The following TNFSF10 variants were observed in gnomAD, a reference collection of about 807,000 sequenced individuals.
The protein encoded by TNFSF10 is tumor necrosis factor ligand superfamily member 10.
A neutral mutation model predicts 29.5 loss-of-function variants in TNFSF10; 13 were observed. The ratio of observed to expected loss-of-function variants is 0.44; its 90% CI spans 0.29 to 0.70. The LOEUF (loss-of-function observed/expected upper bound fraction) is 0.70, where lower values mean the gene tolerates loss of function less well. Among genes scored for constraint, TNFSF10 ranks in the 30% least tolerant of loss-of-function variants. The pLI, the probability that TNFSF10 is intolerant of heterozygous loss-of-function variation, is 0.13. For missense variants in TNFSF10, 345 were observed against 330.9 expected, an observed-to-expected ratio of 1.04 and a Z score of -0.33; for synonymous variants, 111 against 112.8, an observed-to-expected ratio of 0.98 and a Z score of 0.10.
intron 4 of TNFSF10, among the ~76,000 whole-genome samples, chr3:172,507,834 C>A (rs3819772): frequency 0.5 from 75,518 of 151,992 alleles, 19,693 homozygotes; most frequent in African/African-American, 0.66. Flanking sequence ...TATTTTTAGA[C>A]AAATTTACGG....
chr3:172,515,981 G>A (rs1228131472), intron 1 of TNFSF10, among the ~76,000 whole-genome samples: 1 of 152,144 alleles, frequency 6.6e-6, no homozygotes, highest in Non-Finnish European at 1.5e-5. Context: ...CTGCTGAATT[G>A]GCCAGGCGCG....
In TNFSF10 at chr3:172,509,330, G is replaced by A; in HGVS notation, c.314-9C>T. 1 of 1,610,856 alleles carries A rather than the reference G, an allele frequency of 6.2e-7. No homozygotes were observed. The highest frequency in any genetic ancestry group is 1.1e-5 in the South Asian group (1 of 90,810). On this transcript the variant is annotated splice_polypyrimidine_tract_variant and intron_variant, in intron 3 of 4. Coordinates refer to ENST00000241261, the MANE Select transcript of TNFSF10 (RefSeq NM_003810.4). The stretch of plus-strand genomic sequence containing the variant: ...AATATTTTGTTGCTTTTCTAAAAGA[G>A]AAATGATAAAGGGTCATCAACACTT...
At chr3:172,517,482 G>T in intron 1 of TNFSF10, 3 of 875,226 alleles carry the variant, frequency 3.4e-6, no homozygotes, top group Non-Finnish European at 3.9e-6. Flanking sequence ...AAGCAGGGAA[G>T]CATGGAAAAG....
chr3:172,516,019 C>T (rs761071991), intron 1 of TNFSF10, among the ~76,000 whole-genome samples: 2 of 152,010 alleles, frequency 1.3e-5, no homozygotes, highest in South Asian at 2.1e-4. Flanking sequence ...TCCCAGCACT[C>T]TGGGAGGCCG....
chr3:172,515,527 T>C (rs1236134832), intron 1 of TNFSF10, among the ~76,000 whole-genome samples: 6 of 152,202 alleles, frequency 3.9e-5, no homozygotes, highest in Admixed American at 3.9e-4. Context: ...TAGATTCTAG[T>C]TACTGATCTG....
At chr3:172,508,598 A>C (rs1228254350) in intron 4 of TNFSF10, among the ~76,000 whole-genome samples, 1 of 152,020 alleles carries the variant, frequency 6.6e-6, no homozygotes, top group Non-Finnish European at 1.5e-5. Context: ...AAGTAATCAT[A>C]AGAGAGAAAG....
chr3:172,509,137 A>G, intron 4 of TNFSF10, 80 bp downstream of exon 4: 1 of 1,202,950 alleles, frequency 8.3e-7, no homozygotes. Context: ...CATTTCAGAT[A>G]AAATTCTTTA....
Position 172,514,816 on chromosome 3 carries a change from G to A in TNFSF10, c.270+45C>T, listed in dbSNP as rs1341666030. 4.4e-6 allele frequency: 7 copies of A among 1,606,626 alleles called. No individual in the cohort carries two copies. The African/African-American group carries it at 6.7e-5, about 15-fold the overall frequency. On this transcript the variant is annotated intron_variant, in intron 2 of 4. Transcript: ENST00000241261. ...TTCCTTTGCTTTAAGGAATTCTTCT[G>A]GCCTTCTCCGCCTGCTGGTGAGGTC...
intron 1 of TNFSF10, among the ~76,000 whole-genome samples, chr3:172,522,042 G>A (rs1044035692): frequency 2.0e-5 from 3 of 147,022 alleles, no homozygotes; most frequent in Non-Finnish European, 3.0e-5. Context: ...GGGGCCTGTC[G>A]GGGGTGGGAG....
At chr3:172,509,976 CAAAAAAAA>C (rs11290814) in intron 3 of TNFSF10, among the ~76,000 whole-genome samples, 1 of 101,914 alleles carries the variant, frequency 9.8e-6, no homozygotes, top group Non-Finnish European at 2.1e-5. Context: ...AAGACTCCGT[CAAAAAAAA>C]AAAAAAAAAA....
At chr3:172,513,236 A>G (rs957931842) in intron 2 of TNFSF10, among the ~76,000 whole-genome samples, 2 of 152,128 alleles carry the variant, frequency 1.3e-5, no homozygotes, top group Non-Finnish European at 2.9e-5. Context: ...CCCTCTCCTC[A>G]GTCTCCAGAT....
Position 172,506,317 on chromosome 3 carries a change from T to G in TNFSF10, c.*175A>C. ...GATAAGTGAGTCACTTTCAGAACAG[T>G]GTGTGTTGTAGAATTTTTTGGTTGT... On this transcript the variant is annotated 3_prime_UTR_variant, in exon 5 of 5. Coordinates refer to ENST00000241261, the MANE Select transcript of TNFSF10 (RefSeq NM_003810.4). 1 of 642,094 alleles carries G rather than the reference T, an allele frequency of 1.6e-6. No individual in the cohort carries two copies. The highest frequency in any genetic ancestry group is 2.6e-6 in the Non-Finnish European group (1 of 384,714). The allele number at this position is 642,094 out of a possible 1,614,324, so 39.8% of individuals were successfully genotyped here.
At chr3:172,522,235 G>C in intron 1 of TNFSF10, 1 of 533,540 alleles carries the variant, frequency 1.9e-6, no homozygotes, top group Admixed American at 3.1e-5. Flanking sequence ...AAAGAAATCT[G>C]TTTGCCAGAA....
At chr3:172,514,643 C>T (rs566206317) in intron 2 of TNFSF10, among the ~76,000 whole-genome samples, 103 of 152,290 alleles carry the variant, frequency 6.8e-4, no homozygotes, top group Admixed American at 6.6e-3. Context: ...GAGGAATGAA[C>T]TCTAGACCAG....
At chr3:172,512,323 A>G (rs2108446359) in intron 2 of TNFSF10, among the ~76,000 whole-genome samples, 1 of 152,304 alleles carries the variant, frequency 6.6e-6, no homozygotes, top group Admixed American at 6.5e-5. Flanking sequence ...ACCAGTGGGG[A>G]AAACCAGTAA....
At chr3:172,509,693 A>G (rs1386826939) in intron 3 of TNFSF10, among the ~76,000 whole-genome samples, 1 of 152,218 alleles carries the variant, frequency 6.6e-6, no homozygotes, top group Non-Finnish European at 1.5e-5. Context: ...TTGTGCAAAT[A>G]ACTACGTATT....
intron 1 of TNFSF10, among the ~76,000 whole-genome samples, chr3:172,518,696 C>A (rs1203071280): frequency 6.6e-6 from 1 of 152,204 alleles, no homozygotes; most frequent in Non-Finnish European, 1.5e-5. Flanking sequence ...AACCCTTACA[C>A]CCTATAATCC....
Position 172,523,328 on chromosome 3 carries a change from G to C in TNFSF10, c.57C>G (p.Ile19Met), listed in dbSNP as rs370600128. ...ACTGCAGGAGCACTGTGAAGATCAC[G>C]ATCAGCACGCAGGTCTGTCCCAGGC... ...GPSLGQTCVL[I>M]VIFTVLLQSL... Residue 19 changes from isoleucine to methionine, a missense_variant, in exon 1 of 5, where the codon ATC becomes ATG. Ile to Met is a conservative substitution (Grantham distance 10). Transcript: ENST00000241261. 1.2e-6 allele frequency: 2 copies of C among 1,614,076 alleles called. No individual in the cohort carries two copies. The highest frequency in any genetic ancestry group is 8.5e-7 in the Non-Finnish European group (1 of 1,179,946).
chr3:172,515,951 C>T (rs531321081), intron 1 of TNFSF10, among the ~76,000 whole-genome samples: 7 of 152,258 alleles, frequency 4.6e-5, no homozygotes, highest in African/African-American at 9.6e-5. Context: ...ATGGAAGAGA[C>T]GTTATTTCCC....
Sources: allele counts gnomAD v4.1 joint callset (sites outside exome capture counted in the v4.1 genomes callset), GRCh38; gene constraint gnomAD v4.1.1; transcripts MANE v1.5; gene names NCBI Gene and HGNC (gene_info 2026-07-23, HGNC 2026-07-21).